Variants in ZNF442 observed in about 807,000 individuals in gnomAD.
ZNF442 encodes the protein zinc finger protein 442.
ZNF442 carries 45 observed loss-of-function variants against 57.0 expected under a neutral mutation model. That is an observed-to-expected ratio of 0.79 (90% CI 0.62 to 1.01). The LOEUF is 1.01. Ranked by LOEUF, ZNF442 falls within the 50% of genes least tolerant of loss-of-function variation. The pLI is 0.00. For missense variants in ZNF442, 690 were observed against 756.5 expected, an observed-to-expected ratio of 0.91 and a Z score of 1.03; for synonymous variants, 213 against 241.8, an observed-to-expected ratio of 0.88 and a Z score of 1.10.
In ZNF442 at chr19:12,354,964, C is replaced by A. The variant is rs548934504; in HGVS notation, c.79-1850G>T. Among the ~76,000 whole-genome samples, 4 of 152,064 alleles carry A rather than the reference C, an allele frequency of 2.6e-5. No individual in the cohort carries two copies. In the South Asian group the frequency reaches 8.3e-4, roughly 32 times the overall value. ...AAAAAGTTATATGAATATGTACAGA[C>A]CTCAAGATTAAATGAGAAAAAAAAT... On this transcript the variant is annotated intron_variant, in intron 3 of 5. Coordinates refer to ENST00000242804, the MANE Select transcript of ZNF442 (RefSeq NM_030824.3).
chr19:12,372,836 C>T, the ZNF442 span, among the ~76,000 whole-genome samples: 6 of 152,296 alleles, frequency 3.9e-5, no homozygotes, highest in Non-Finnish European at 7.4e-5. Context: ...TGCAGTGGCA[C>T]GATCTCAACT....
At position 12,351,199 on chromosome 19, in the gene ZNF442, A is replaced by G. The variant is rs1969230796; in HGVS notation, c.386T>C (p.Phe129Ser). 8.7e-6 allele frequency: 14 copies of G among 1,614,004 alleles called. No individual in the cohort carries two copies. In the South Asian group the frequency reaches 1.4e-4, roughly 16 times the overall value. The change falls in exon 6 of 6, where the codon TTC (phenylalanine) becomes TCC (serine). Residue 129 changes from phenylalanine to serine, a missense_variant. Phe to Ser is a radical substitution (Grantham distance 155). Transcript: ENST00000242804. ...SVCGEIMGCS[F>S]LNCYITFDAG... is the part of the protein sequence containing the mutation. The stretch of plus-strand genomic sequence containing the variant: ...ATCAAATGTGATATAGCAATTAAGG[A>G]ATGAACAACCCATGATTTCTCCACA...
In ZNF442 at chr19:12,363,657, C is replaced by T. The variant is rs746412415; in HGVS notation, c.-26G>A. On this transcript the variant is annotated 5_prime_UTR_variant, in exon 3 of 6. Transcript: ENST00000242804. ...TCAACTGGCTGACCAGCCGTGTGTCCCCAAGGAATGGAAACTGGGGTTGGG... is the reference window on the plus strand; with the variant it reads ...TCAACTGGCTGACCAGCCGTGTGTCTCCAAGGAATGGAAACTGGGGTTGGG... 2.5e-6 allele frequency: 4 copies of T among 1,607,754 alleles called. No homozygotes were observed. The highest frequency in any genetic ancestry group is 3.4e-6 in the Non-Finnish European group (4 of 1,174,200).
chr19:12,353,745 G>T (rs1407334674), intron 3 of ZNF442, among the ~76,000 whole-genome samples: 1 of 152,192 alleles, frequency 6.6e-6, no homozygotes, highest in Non-Finnish European at 1.5e-5. Flanking sequence ...CAATGTGACA[G>T]TAATGAAAGA....
rs1353837819 is a variant in ZNF442, at chr19:12,351,181, G to A, written c.404C>T (p.Thr135Ile). ...ATCTGGTTTGTGTCCAGCATCAAAT[G>A]TGATATAGCAATTAAGGAATGAACA... ...MGCSFLNCYI[T>I]FDAGHKPDEC... Residue 135 changes from threonine to isoleucine, a missense_variant, in exon 6 of 6, where the codon ACA becomes ATA. By Grantham distance (89) the Thr-to-Ile change is moderately conservative. Transcript: ENST00000242804. 6 of 1,614,002 alleles carry A rather than the reference G, an allele frequency of 3.7e-6. No homozygotes were observed. Among genetic ancestry groups the A allele is most frequent in the Non-Finnish European group, 5.1e-6 (6 of 1,180,034 alleles).
chr19:12,350,031 AC>A lies in ZNF442; in HGVS notation c.1553del (p.Cys518LeufsTer14). 1.2e-6 allele frequency: 2 copies of A among 1,614,010 alleles called. No individual in the cohort carries two copies. The highest frequency in any genetic ancestry group is 1.7e-6 in the Non-Finnish European group (2 of 1,179,994). Reference protein sequence around the residue: ...RTHMAEKPYECKTCKKAFSHF... With the variant: ...RTHMAEKPYEXKTCKKAFSHF... ...GACTGAAGGCTTTCTTACATGTTTT[AC>A]ATTCATAAGGTTTTTCAGCCATGTG... On this transcript the variant is annotated frameshift_variant, in exon 6 of 6. Coordinates refer to ENST00000242804, the MANE Select transcript of ZNF442 (RefSeq NM_030824.3). LOFTEE classifies it high-confidence loss of function.
rs181911412 is a variant in ZNF442 at position 12,349,409 on chromosome 19, C to A, written c.*292G>T. The A allele has an allele frequency of 5.4e-3, 1,260 of 232,726 alleles. 21 individuals are homozygous for A. The highest frequency in any genetic ancestry group is 0.027 in the African/African-American group (1,195 of 44,108). The allele number at this position is 232,726 out of a possible 1,614,324, so 14.4% of individuals were successfully genotyped here. A position where few individuals can be genotyped will look rare whatever the true frequency, so the allele number is the denominator to read the frequency against. Reference sequence around the variant, plus strand: ...AACCTACTTTTTATTTTTACTTTTACAAAAGCTTTGGGTTGGTGAAAAATT... The same window carrying A: ...AACCTACTTTTTATTTTTACTTTTAAAAAAGCTTTGGGTTGGTGAAAAATT... On this transcript the variant is annotated 3_prime_UTR_variant, in exon 6 of 6. Transcript: ENST00000242804.
chr19:12,365,544 T>G lies in ZNF442; in HGVS notation c.-494A>C, dbSNP rs1969518047. 3.6e-6 allele frequency: 2 copies of G among 556,940 alleles called. No homozygotes were observed. The highest frequency in any genetic ancestry group is 5.5e-5 in the Admixed American group (2 of 36,136). The allele number at this position is 556,940 out of a possible 1,614,324, so 34.5% of individuals were successfully genotyped here. A position where few individuals can be genotyped will look rare whatever the true frequency, so the allele number is the denominator to read the frequency against. On this transcript the variant is annotated 5_prime_UTR_variant, in exon 1 of 6. Coordinates refer to ENST00000242804, the MANE Select transcript of ZNF442 (RefSeq NM_030824.3). ...CCCCGCACACTCACCATTTCCCGGCTTCCGCGGTGTCCCGTGTTCTCCCCA... is the reference window on the plus strand; with the variant it reads ...CCCCGCACACTCACCATTTCCCGGCGTCCGCGGTGTCCCGTGTTCTCCCCA...
chr19:12,361,618 G>A (rs903364280), intron 3 of ZNF442, among the ~76,000 whole-genome samples: 1 of 149,370 alleles, frequency 6.7e-6, no homozygotes, highest in African/African-American at 2.5e-5. Flanking sequence ...GACAGACTGG[G>A]GGAAAAAAAA....
intron 3 of ZNF442, among the ~76,000 whole-genome samples, chr19:12,361,765 GC>G (rs1422229666): frequency 7.0e-6 from 1 of 143,060 alleles, no homozygotes; most frequent in Non-Finnish European, 1.5e-5. Flanking sequence ...TCCCTCTGAT[GC>G]CGAGCGGAGG....
Position 12,352,993 on chromosome 19 carries a change from C to A in ZNF442, c.200G>T (p.Cys67Phe). The change falls in exon 4 of 6, where the codon TGT (cysteine) becomes TTT (phenylalanine). Residue 67 changes from cysteine (C) to phenylalanine (F), a missense_variant. Cys to Phe is a radical substitution (Grantham distance 205). Transcript: ENST00000242804. ...AGACATAATGTCATTTTTACCTATA[C>A]AGTCCAGGTTCCTAATGGTTTCCCA... ...VMWETIRNLD[C>F]IGMKWEDTNI... 8 of 1,604,512 alleles carry A rather than the reference C, an allele frequency of 5.0e-6. No individual in the cohort carries two copies. The highest frequency in any genetic ancestry group is 6.8e-6 in the Non-Finnish European group (8 of 1,177,450).
At chr19:12,370,993 A>G in the ZNF442 span, among the ~76,000 whole-genome samples, 1 of 151,248 alleles carries the variant, frequency 6.6e-6, no homozygotes, top group Non-Finnish European at 1.5e-5. Flanking sequence ...AAAAAGAAAG[A>G]AAAGAAAGAA....
intron 3 of ZNF442, 143 bp downstream of exon 3, chr19:12,363,411 C>T: frequency 1.4e-6 from 1 of 718,876 alleles, no homozygotes; most frequent in Non-Finnish European, 2.5e-6. Flanking sequence ...CATTAGTCAC[C>T]CCCATCTGCT....
chr19:12,358,413 T>C (rs1312121067), intron 3 of ZNF442, among the ~76,000 whole-genome samples: 1 of 152,254 alleles, frequency 6.6e-6, no homozygotes, highest in African/African-American at 2.4e-5. Context: ...CCAATGAGTA[T>C]ACACACCACG....
chr19:12,350,974 C>G lies in ZNF442; in HGVS notation c.611G>C (p.Arg204Pro). The G allele has an allele frequency of 6.2e-7, 1 of 1,614,184 alleles. No homozygotes were observed. Among genetic ancestry groups the G allele is most frequent in the Non-Finnish European group, 8.5e-7 (1 of 1,180,038 alleles). Residue 204 changes from arginine (R) to proline (P), a missense_variant, in exon 6 of 6, where the codon CGT becomes CCT. Arg to Pro is a moderately radical substitution (Grantham distance 103, BLOSUM62 -2). Coordinates refer to ENST00000242804, the MANE Select transcript of ZNF442 (RefSeq NM_030824.3). Reference protein sequence around the residue: ...GNLRRHIIVQRGGGPYICKLC... With the variant: ...GNLRRHIIVQPGGGPYICKLC... ...CTTACATATATAAGGTCCACCTCCACGTTGTACTATTATGTGTCTTCGAAG... is the reference window on the plus strand; with the variant it reads ...CTTACATATATAAGGTCCACCTCCAGGTTGTACTATTATGTGTCTTCGAAG...
intron 3 of ZNF442, among the ~76,000 whole-genome samples, chr19:12,362,276 A>T (rs1385664635): frequency 1.3e-5 from 2 of 151,108 alleles, no homozygotes; most frequent in Non-Finnish European, 2.9e-5. Context: ...GGAAGTGAGG[A>T]GCATCTCTGC....
In ZNF442 at chr19:12,355,043, G is replaced by A. The variant is rs571103459; in HGVS notation, c.79-1929C>T. On this transcript the variant is annotated intron_variant, in intron 3 of 5. Transcript: ENST00000242804. Reference sequence around the variant, plus strand: ...GCGGTGGCTCACGCCTGTAATCCTAGCACTTTGGAAGGTTGAGGCAGGCAG... The same window carrying A: ...GCGGTGGCTCACGCCTGTAATCCTAACACTTTGGAAGGTTGAGGCAGGCAG... Among the ~76,000 whole-genome samples, 832 of 152,158 alleles carry A rather than the reference G, an allele frequency of 5.5e-3. 6 individuals are homozygous for A. The highest frequency in any genetic ancestry group is 0.019 in the African/African-American group (784 of 41,540).
intron 3 of ZNF442, among the ~76,000 whole-genome samples, chr19:12,357,420 C>T (rs777030601): frequency 1.4e-5 from 2 of 139,066 alleles, no homozygotes; most frequent in East Asian, 2.1e-4. Context: ...GGTGCAATCT[C>T]GGCTCACTGC....
intron 2 of ZNF442, among the ~76,000 whole-genome samples, chr19:12,364,406 T>C (rs995330119): frequency 4.2e-5 from 5 of 120,180 alleles, no homozygotes; most frequent in Non-Finnish European, 4.9e-5. Flanking sequence ...CAACTCCATC[T>C]CAAAAAAAAA....
Sources: allele counts gnomAD v4.1 joint callset (sites outside exome capture counted in the v4.1 genomes callset), GRCh38; gene constraint gnomAD v4.1.1; transcripts MANE v1.5; gene names NCBI Gene and HGNC (gene_info 2026-07-23, HGNC 2026-07-21).